LHFPL6: variants seen among roughly 807,000 people sequenced by gnomAD.
LHFPL6 encodes LHFPL tetraspan subfamily member 6 protein.
LHFPL6 carries 9 observed loss-of-function variants against 20.6 expected under a neutral mutation model. The observed-to-expected ratio is 0.44, with a 90% CI of 0.26 to 0.76. The LOEUF (loss-of-function observed/expected upper bound fraction) is 0.76, where lower values mean the gene tolerates loss of function less well. Ranked by LOEUF, LHFPL6 falls within the 30% of genes least tolerant of loss-of-function variation. LHFPL6 has a pLI of 0.20. For synonymous variants in LHFPL6, 105 were observed against 98.7 expected (o/e 1.06, Z -0.38); for missense variants, 218 against 253.5 (o/e 0.86, Z 0.95).
intron 2 of LHFPL6, among the ~76,000 whole-genome samples, chr13:39,551,696 A>G (rs1871149003): frequency 6.6e-6 from 1 of 152,196 alleles, no homozygotes; most frequent in South Asian, 2.1e-4. Context: ...AATTGATTTT[A>G]ACAATATTGA....
chr13:39,363,470 G>A (rs1280440943), intron 3 of LHFPL6, among the ~76,000 whole-genome samples: 1 of 152,046 alleles, frequency 6.6e-6, no homozygotes, highest in African/African-American at 2.4e-5. Flanking sequence ...AAGCAACCAC[G>A]GTCACCAAAT....
intron 3 of LHFPL6, among the ~76,000 whole-genome samples, chr13:39,351,173 G>C (rs960863931): frequency 6.6e-6 from 1 of 152,150 alleles, no homozygotes; most frequent in East Asian, 1.9e-4. Context: ...GATATCAGAC[G>C]TTATACTTGT....
chr13:39,440,880 G>A (rs567707804), intron 2 of LHFPL6, among the ~76,000 whole-genome samples: 3 of 152,214 alleles, frequency 2.0e-5, no homozygotes, highest in East Asian at 3.9e-4. Flanking sequence ...TGAGTCTCAC[G>A]AGGTCTGATG....
At chr13:39,515,874 T>C (rs1195022546) in intron 2 of LHFPL6, among the ~76,000 whole-genome samples, 3 of 152,158 alleles carry the variant, frequency 2.0e-5, no homozygotes, top group African/African-American at 7.2e-5. Context: ...AAAATTACTA[T>C]GGAAATACAG....
At chr13:39,495,612 T>C (rs1317846974) in intron 2 of LHFPL6, among the ~76,000 whole-genome samples, 4 of 151,894 alleles carry the variant, frequency 2.6e-5, no homozygotes, top group Non-Finnish European at 4.4e-5. Flanking sequence ...GCTTTTTTTT[T>C]TTTTGTAAGT....
intron 2 of LHFPL6, among the ~76,000 whole-genome samples, chr13:39,429,093 A>G (rs1016340791): frequency 2.6e-5 from 4 of 152,008 alleles, no homozygotes; most frequent in African/African-American, 9.6e-5. Context: ...TGCACTTGAA[A>G]AAATGTGTAT....
intron 2 of LHFPL6, among the ~76,000 whole-genome samples, chr13:39,479,034 T>TAG (rs1555264216): frequency 1.2e-3 from 174 of 144,058 alleles, no homozygotes; most frequent in African/African-American, 4.1e-3. Context: ...GGGAGATAGA[T>TAG]ATAGATAGAT....
At chr13:39,367,974 C>A (rs1870055198) in intron 3 of LHFPL6, among the ~76,000 whole-genome samples, 1 of 152,202 alleles carries the variant, frequency 6.6e-6, no homozygotes, top group African/African-American at 2.4e-5. Context: ...CAAAACATGA[C>A]CCCAAATCAG....
chr13:39,375,758 G>A (rs573084785), intron 3 of LHFPL6, among the ~76,000 whole-genome samples: 1 of 151,454 alleles, frequency 6.6e-6, no homozygotes, highest in Non-Finnish European at 1.5e-5. Context: ...TTCTCTTTAG[G>A]TCTTCTTTTC....
At chr13:39,537,009 C>T (rs9566453) in intron 2 of LHFPL6, among the ~76,000 whole-genome samples, 9,930 of 152,220 alleles carry the variant, frequency 0.065, 939 homozygotes, top group African/African-American at 0.21. Context: ...CTGTTGAGAA[C>T]GTTCCCTCCA....
intron 2 of LHFPL6, among the ~76,000 whole-genome samples, chr13:39,597,956 C>T (rs1333953047): frequency 6.6e-6 from 1 of 152,232 alleles, no homozygotes; most frequent in African/African-American, 2.4e-5. Flanking sequence ...CGGGGTTAAG[C>T]AGGATGCCTC....
chr13:39,352,334 C>T (rs1358829686), intron 3 of LHFPL6, among the ~76,000 whole-genome samples: 1 of 152,194 alleles, frequency 6.6e-6, no homozygotes, highest in Non-Finnish European at 1.5e-5. Context: ...TCCAGAGCTG[C>T]TGTCTGCCTA....
intron 3 of LHFPL6, among the ~76,000 whole-genome samples, chr13:39,366,074 G>C (rs557698147): frequency 9.2e-5 from 14 of 152,346 alleles, no homozygotes; most frequent in Admixed American, 9.2e-4. Context: ...CCTGGCAAAG[G>C]AGGGCCCCAT....
At chr13:39,478,741 T>C (rs867166629) in intron 2 of LHFPL6, among the ~76,000 whole-genome samples, 2 of 152,270 alleles carry the variant, frequency 1.3e-5, no homozygotes, top group South Asian at 4.1e-4. Context: ...TTGGTCTATT[T>C]GCATGAGCTG....
chr13:39,473,242 T>C (rs955054630), intron 2 of LHFPL6, among the ~76,000 whole-genome samples: 2 of 151,344 alleles, frequency 1.3e-5, no homozygotes, highest in African/African-American at 4.9e-5. Context: ...TGATGCCGCC[T>C]TACTTGACTC....
intron 2 of LHFPL6, among the ~76,000 whole-genome samples, chr13:39,406,985 C>T (rs1302469122): frequency 6.6e-6 from 1 of 152,172 alleles, no homozygotes; most frequent in Non-Finnish European, 1.5e-5. Flanking sequence ...CCCTGTTTGA[C>T]AGTCATTAAA....
chr13:39,519,212 G>T (rs1870026754), intron 2 of LHFPL6, among the ~76,000 whole-genome samples: 1 of 150,304 alleles, frequency 6.7e-6, no homozygotes, highest in Non-Finnish European at 1.5e-5. Context: ...CTCCAGCCTG[G>T]GTGACAAGAG....
intron 2 of LHFPL6, among the ~76,000 whole-genome samples, chr13:39,513,615 C>CTATA (rs371286162): frequency 3.9e-5 from 6 of 152,312 alleles, no homozygotes; most frequent in African/African-American, 1.2e-4. Context: ...TGAGTACCTA[C>CTATA]TATATTCCAG....
intron 2 of LHFPL6, among the ~76,000 whole-genome samples, chr13:39,411,705 T>C (rs1022754829): frequency 3.3e-5 from 5 of 152,232 alleles, no homozygotes; most frequent in African/African-American, 1.2e-4. Context: ...GGGAATGTTA[T>C]GAGTATGCTT....
Sources: gnomAD v4.1 joint callset for allele counts (sites outside exome capture counted in the v4.1 genomes callset) on GRCh38, gnomAD v4.1.1 for gene constraint, MANE v1.5 for transcripts, NCBI Gene and HGNC (gene_info 2026-07-23, HGNC 2026-07-21) for gene names.